Variants in BANF2 observed in about 807,000 individuals in gnomAD.
BANF2 encodes the protein BANF family member 2, also known as barrier-to-autointegration factor-like protein.
A neutral mutation model predicts 8.0 loss-of-function variants in BANF2; 4 were observed. That is an observed-to-expected ratio of 0.50 (90% CI 0.25 to 1.14). BANF2 has a LOEUF of 1.14. Ranked by LOEUF, BANF2 falls within the 50% of genes most tolerant of loss-of-function variation. BANF2 has a pLI of 0.16. For synonymous variants in BANF2, 50 were observed against 40.6 expected (o/e 1.23, Z -0.88); for missense variants, 96 against 107.5 (o/e 0.89, Z 0.47).
At chr20:17,709,469 C>T (rs1211687180) in intron 1 of BANF2, among the ~76,000 whole-genome samples, 1 of 152,172 alleles carries the variant, frequency 6.6e-6, no homozygotes, top group South Asian at 2.1e-4. Flanking sequence ...CGTGGGCCTT[C>T]GATATCCTAT....
intron 1 of BANF2, among the ~76,000 whole-genome samples, chr20:17,709,714 C>T (rs150784471): frequency 1.3e-3 from 203 of 152,278 alleles, no homozygotes; most frequent in African/African-American, 4.1e-3. Context: ...GAGGCCCACT[C>T]GGTTTGAGGC....
chr20:17,723,764 G>A (rs1011348819), intron 2 of BANF2, among the ~76,000 whole-genome samples: 1 of 152,206 alleles, frequency 6.6e-6, no homozygotes, highest in Non-Finnish European at 1.5e-5. Flanking sequence ...GGAGACCGAG[G>A]TGGGTGGATC....
intron 1 of BANF2, among the ~76,000 whole-genome samples, chr20:17,721,858 A>G (rs1323586652): frequency 6.6e-6 from 1 of 152,178 alleles, no homozygotes; most frequent in South Asian, 2.1e-4. Context: ...AGGATTTTTC[A>G]TTACTTATAG....
intron 3 of BANF2, among the ~76,000 whole-genome samples, chr20:17,728,542 G>C (rs1010029767): frequency 6.6e-6 from 1 of 152,110 alleles, no homozygotes; most frequent in Non-Finnish European, 1.5e-5. Context: ...CTCTCACACA[G>C]GTCTTTCAGC....
chr20:17,696,687 A>T (rs572538284), upstream of BANF2, among the ~76,000 whole-genome samples: 2 of 152,258 alleles, frequency 1.3e-5, no homozygotes, highest in South Asian at 4.1e-4. Flanking sequence ...TTATTGATGC[A>T]ATGCTCTGGT....
At chr20:17,696,430 T>C (rs1427790905), upstream of BANF2, among the ~76,000 whole-genome samples, 1 of 152,242 alleles carries the variant, frequency 6.6e-6, no homozygotes, top group Non-Finnish European at 1.5e-5. Flanking sequence ...TATATTATAT[T>C]ACATTATGTG....
At chr20:17,722,059 G>A (rs1031652196) in intron 1 of BANF2, among the ~76,000 whole-genome samples, 2 of 152,182 alleles carry the variant, frequency 1.3e-5, no homozygotes, top group Non-Finnish European at 2.9e-5. Flanking sequence ...CCCTGGGGAG[G>A]GGGTCCAATG....
intron 1 of BANF2, among the ~76,000 whole-genome samples, chr20:17,704,220 A>C (rs1341949003): frequency 6.6e-6 from 1 of 152,242 alleles, no homozygotes; most frequent in Non-Finnish European, 1.5e-5. Context: ...GTCTATGGAC[A>C]CGCTACACAG....
chr20:17,720,095 A>G (rs1157267572), intron 1 of BANF2, among the ~76,000 whole-genome samples: 1 of 152,042 alleles, frequency 6.6e-6, no homozygotes, highest in African/African-American at 2.4e-5. Flanking sequence ...GTAATTTGTA[A>G]CTCGCCCCAT....
chr20:17,734,506 A>T (rs1037986400), intron 3 of BANF2, among the ~76,000 whole-genome samples: 2 of 152,212 alleles, frequency 1.3e-5, no homozygotes, highest in Non-Finnish European at 2.9e-5. Context: ...TTCAGGTTAC[A>T]TGAGTTGCCT....
At chr20:17,722,054 G>A (rs2037738368) in intron 1 of BANF2, among the ~76,000 whole-genome samples, 1 of 152,178 alleles carries the variant, frequency 6.6e-6, no homozygotes, top group African/African-American at 2.4e-5. Context: ...GTGTTCCCTG[G>A]GGAGGGGGTC....
intron 1 of BANF2, among the ~76,000 whole-genome samples, chr20:17,719,671 G>C (rs1323839636): frequency 7.0e-6 from 1 of 142,744 alleles, no homozygotes; most frequent in East Asian, 2.0e-4. Flanking sequence ...TTGAAGTAAA[G>C]ATCCCTTTTT....
At chr20:17,716,397 A>T (rs905785928) in intron 1 of BANF2, among the ~76,000 whole-genome samples, 2 of 151,770 alleles carry the variant, frequency 1.3e-5, no homozygotes, top group South Asian at 2.1e-4. Context: ...CAGTGGTACG[A>T]CCACGGCTCA....
At position 17,710,249 on chromosome 20, in the gene BANF2, G is replaced by A. The variant is rs187732249; in HGVS notation, c.-167+10194G>A. Among the ~76,000 whole-genome samples, 4 of 152,340 alleles carry A rather than the reference G, an allele frequency of 2.6e-5. No individual in the cohort carries two copies. The East Asian group carries it at 7.7e-4, about 29-fold the overall frequency. ...CCCTGGGGGGGACATGGGCAGGGCA[G>A]GGACAGCGTCTGCTAAAACTGTCCT... is the stretch of plus-strand genomic sequence containing the variant. On this transcript the variant is annotated intron_variant, in intron 1 of 3. Transcript: ENST00000246090.
intron 3 of BANF2, among the ~76,000 whole-genome samples, chr20:17,729,136 A>G (rs1034594881): frequency 3.9e-5 from 6 of 152,320 alleles, no homozygotes; most frequent in Non-Finnish European, 8.8e-5. Context: ...TAAGGGAGAA[A>G]GGAACTGTGG....
chr20:17,710,677 C>T (rs2037556635), intron 1 of BANF2, among the ~76,000 whole-genome samples: 1 of 152,354 alleles, frequency 6.6e-6, no homozygotes, highest in East Asian at 1.9e-4. Context: ...GAGGTGACTT[C>T]TGAGTGACAA....
intron 1 of BANF2, among the ~76,000 whole-genome samples, chr20:17,694,301 AG>A (rs756654537): frequency 6.6e-6 from 1 of 152,146 alleles, no homozygotes; most frequent in Admixed American, 6.5e-5. Flanking sequence ...GATTAGGTAA[AG>A]CCCCAAGAGA....
chr20:17,709,673 T>A (rs1309790410), intron 1 of BANF2, among the ~76,000 whole-genome samples: 1 of 152,192 alleles, frequency 6.6e-6, no homozygotes, highest in African/African-American at 2.4e-5. Context: ...TTGCTTAATA[T>A]CTCAGTGGTT....
chr20:17,720,293 T>C (rs1353282974), intron 1 of BANF2, among the ~76,000 whole-genome samples: 1 of 152,230 alleles, frequency 6.6e-6, no homozygotes, highest in Non-Finnish European at 1.5e-5. Context: ...CCCATGTTCG[T>C]AGCAGTATTA....
Sources: gnomAD v4.1 joint callset for allele counts (sites outside exome capture counted in the v4.1 genomes callset) on GRCh38, gnomAD v4.1.1 for gene constraint, MANE v1.5 for transcripts, NCBI Gene and HGNC (gene_info 2026-07-23, HGNC 2026-07-21) for gene names.